Variants in DLGAP1 observed in about 807,000 individuals in gnomAD.
The protein encoded by DLGAP1 is disks large-associated protein 1.
Under a neutral mutation model 90.8 loss-of-function variants are expected in DLGAP1, and 11 were observed. The observed-to-expected ratio is 0.12, with a 90% CI of 0.08 to 0.20. The LOEUF (loss-of-function observed/expected upper bound fraction) is 0.20. Among genes scored for constraint, DLGAP1 ranks in the 10% least tolerant of loss-of-function variants. The pLI is 1.00. For synonymous variants in DLGAP1, 558 were observed against 540.7 expected, an observed-to-expected ratio of 1.03 and a Z score of -0.44; for missense variants, 1,050 against 1,333.8, an observed-to-expected ratio of 0.79 and a Z score of 3.31.
chr18:4,314,911 C>G (rs984457057), intron 1 of DLGAP1, among the ~76,000 whole-genome samples: 3 of 152,184 alleles, frequency 2.0e-5, no homozygotes, highest in African/African-American at 7.2e-5. Context: ...ATGTAAAGCA[C>G]TGTTATTGCT....
intron 5 of DLGAP1, among the ~76,000 whole-genome samples, chr18:3,772,087 C>T (rs917083042): frequency 6.6e-6 from 1 of 152,096 alleles, no homozygotes; most frequent in African/African-American, 2.4e-5. Flanking sequence ...CAGTTAAAAC[C>T]TAAGCCTTTC....
intron 2 of DLGAP1, among the ~76,000 whole-genome samples, chr18:4,107,797 C>T (rs2075896563): frequency 6.6e-6 from 1 of 152,116 alleles, no homozygotes; most frequent in African/African-American, 2.4e-5. Context: ...ATTTGATTGC[C>T]AGATTCTATT....
At chr18:3,808,635 A>G (rs193134701) in intron 5 of DLGAP1, among the ~76,000 whole-genome samples, 59 of 152,300 alleles carry the variant, frequency 3.9e-4, no homozygotes, top group African/African-American at 1.4e-3. Context: ...TATGTTCCCA[A>G]TACAGTTCAT....
At chr18:3,612,369 T>A (rs918084044) in intron 7 of DLGAP1, among the ~76,000 whole-genome samples, 1 of 152,206 alleles carries the variant, frequency 6.6e-6, no homozygotes, top group African/African-American at 2.4e-5. Context: ...TGGGAAATGC[T>A]CAGTGTATTA....
rs147050663 is a variant in DLGAP1, at chr18:4,291,559, T to C, written c.-266-140272A>G. Among the ~76,000 whole-genome samples the C allele has an allele frequency of 1.0e-3, 159 of 152,298 alleles. 1 individual carries two copies. The highest frequency in any genetic ancestry group is 3.6e-3 in the African/African-American group (151 of 41,574). On this transcript the variant is annotated intron_variant, in intron 1 of 12. Transcript: ENST00000315677. ...TTGGATTATTTTATACATACATACA[T>C]ACATACACACATTTGGATTATTTTA...
At chr18:3,595,375 C>A (rs576634817) in intron 7 of DLGAP1, among the ~76,000 whole-genome samples, 2 of 152,226 alleles carry the variant, frequency 1.3e-5, no homozygotes, top group South Asian at 4.1e-4. Context: ...ATCTGGACTT[C>A]TATTGAAGTT....
At chr18:3,807,095 G>A (rs1276170485) in intron 5 of DLGAP1, among the ~76,000 whole-genome samples, 1 of 152,190 alleles carries the variant, frequency 6.6e-6, no homozygotes. Flanking sequence ...CTAAGCCTGA[G>A]TCAAGATGTT....
intron 5 of DLGAP1, among the ~76,000 whole-genome samples, chr18:3,799,683 C>A (rs990878568): frequency 2.6e-5 from 4 of 152,062 alleles, no homozygotes; most frequent in Non-Finnish European, 4.4e-5. Flanking sequence ...TTGCTATGGG[C>A]AACCACTTAA....
chr18:4,147,247 C>G (rs1303786349), intron 2 of DLGAP1, among the ~76,000 whole-genome samples: 1 of 152,122 alleles, frequency 6.6e-6, no homozygotes, highest in African/African-American at 2.4e-5. Flanking sequence ...GGCTCTTTCA[C>G]AAACTAAAAT....
At chr18:3,854,388 T>C (rs1034359316) in intron 4 of DLGAP1, among the ~76,000 whole-genome samples, 11 of 152,228 alleles carry the variant, frequency 7.2e-5, no homozygotes, top group African/African-American at 2.7e-4. Flanking sequence ...ATATTTAAAA[T>C]ATTGGATCTC....
chr18:4,411,516 A>G (rs1242149533), intron 1 of DLGAP1, among the ~76,000 whole-genome samples: 1 of 152,202 alleles, frequency 6.6e-6, no homozygotes, highest in East Asian at 1.9e-4. Context: ...GATCAGAGCG[A>G]GTCAATTTCT....
At chr18:4,212,531 G>C (rs1289335522) in intron 1 of DLGAP1, among the ~76,000 whole-genome samples, 1 of 144,480 alleles carries the variant, frequency 6.9e-6, no homozygotes, top group Non-Finnish European at 1.5e-5. Flanking sequence ...AAAAATCCAG[G>C]TGTGGTGGTG....
At chr18:3,991,758 G>A (rs1233486551) in intron 3 of DLGAP1, among the ~76,000 whole-genome samples, 1 of 152,128 alleles carries the variant, frequency 6.6e-6, no homozygotes, top group African/African-American at 2.4e-5. Context: ...CTCATATCTT[G>A]TCCTACTCTT....
At chr18:3,880,216 CTCTGTT>C in intron 3 of DLGAP1, 76 bp from the exon 4 acceptor site, 1 of 731,924 alleles carries the variant, frequency 1.4e-6, no homozygotes, top group Non-Finnish European at 2.3e-6. Context: ...CAGGGTCTTG[CTCTGTT>C]GCCCAGGCTA....
rs113090001 is a variant in DLGAP1, at chr18:3,684,343, C to A, written c.1591+44792G>T. Among the ~76,000 whole-genome samples the A allele has an allele frequency of 7.9e-3, 1,175 of 149,000 alleles. 14 individuals carry two copies. The highest frequency in any genetic ancestry group is 0.028 in the African/African-American group (1,105 of 40,016). On this transcript the variant is annotated intron_variant, in intron 7 of 12. Coordinates refer to ENST00000315677, the MANE Select transcript of DLGAP1 (RefSeq NM_004746.4). ...TAGTTGGGACTACAAGGATGCACCA[C>A]CATGCCTGGCTAATTTTTTTTTTTT...
chr18:3,880,953 A>G (rs1175055018), intron 3 of DLGAP1, among the ~76,000 whole-genome samples: 2 of 148,878 alleles, frequency 1.3e-5, no homozygotes, highest in African/African-American at 5.1e-5. Context: ...AGAAAAAAAA[A>G]AAAAAAAAAA....
At chr18:3,876,696 G>A (rs1385357434) in intron 4 of DLGAP1, among the ~76,000 whole-genome samples, 1 of 152,150 alleles carries the variant, frequency 6.6e-6, no homozygotes, top group African/African-American at 2.4e-5. Flanking sequence ...TATGACGGGT[G>A]ATGTATACAT....
intron 7 of DLGAP1, among the ~76,000 whole-genome samples, chr18:3,618,325 C>T (rs995717203): frequency 2.6e-5 from 4 of 152,094 alleles, no homozygotes; most frequent in Non-Finnish European, 5.9e-5. Flanking sequence ...TTTCAACTTG[C>T]GGGCTGTTTG....
At chr18:3,979,412 T>A (rs1014141660) in intron 3 of DLGAP1, among the ~76,000 whole-genome samples, 3 of 151,428 alleles carry the variant, frequency 2.0e-5, no homozygotes, top group Non-Finnish European at 4.4e-5. Context: ...TAATGTTCAC[T>A]CAGTGTTTTC....
Sources: allele counts gnomAD v4.1 joint callset (sites outside exome capture counted in the v4.1 genomes callset), GRCh38; gene constraint gnomAD v4.1.1; transcripts MANE v1.5; gene names NCBI Gene and HGNC (gene_info 2026-07-23, HGNC 2026-07-21).